Variants in CFAP157 observed in about 807,000 individuals in gnomAD.
The protein encoded by CFAP157 is cilia and flagella associated protein 157, also known as cilia- and flagella-associated protein 157.
In CFAP157, 43 loss-of-function variants were observed where a neutral mutation model predicts 57.8. The observed-to-expected ratio is 0.74, with a 90% CI of 0.58 to 0.96. The LOEUF (loss-of-function observed/expected upper bound fraction) is 0.96, where lower values mean the gene tolerates loss of function less well. CFAP157 is among the 40% of genes least tolerant of loss of function. CFAP157 has a pLI of 0.00. For missense variants in CFAP157, 606 were observed against 655.3 expected, an observed-to-expected ratio of 0.92 and a Z score of 0.82; for synonymous variants, 267 against 269.0, an observed-to-expected ratio of 0.99 and a Z score of 0.07.
intron 8 of CFAP157, chr9:127,713,408 T>C (rs977486156): frequency 1.0e-4 from 49 of 485,828 alleles, no homozygotes; most frequent in African/African-American, 8.3e-4. Context: ...GGGAGGGGGG[T>C]TGGCTGGACC....
rs1588408271 is a variant in CFAP157 at position 127,715,873 on chromosome 9, C to T, written c.*1968C>T. Reference sequence around the variant, plus strand: ...GGACTTGTGTGGGACGCTCGGAGCTCTTGCTTGACCTTCGGTTGGGAGGCC... The same window carrying T: ...GGACTTGTGTGGGACGCTCGGAGCTTTTGCTTGACCTTCGGTTGGGAGGCC... On this transcript the variant is annotated 3_prime_UTR_variant, in exon 9 of 9. Transcript: ENST00000373295. This position sits in a 1 kb window ranked among gnomAD's most constrained non-coding sequence, Gnocchi z 5.8. The T allele has an allele frequency of 5.8e-6, 5 of 858,504 alleles. No individual in the cohort carries two copies. Among genetic ancestry groups the T allele is most frequent in the African/African-American group, 1.7e-5 (1 of 58,380 alleles). 53.2% of individuals were successfully genotyped at this position (858,504 alleles called of 1,614,324 possible). A position where few individuals can be genotyped will look rare whatever the true frequency, so the allele number is the denominator to read the frequency against.
rs371740113 is a variant in CFAP157 at position 127,713,146 on chromosome 9, C to T, written c.1431C>T (p.Asp477=). 140 of 1,608,446 alleles carry T rather than the reference C, an allele frequency of 8.7e-5. No homozygotes were observed. The African/African-American group carries it at 1.6e-3, about 18-fold the overall frequency. Residue 477 remains aspartate, a synonymous_variant, in exon 8 of 9, where the codon GAC becomes GAT. Transcript: ENST00000373295. ...TCCACATCCCACCCAACCCCCAGGA[C>T]CTCAGGCTGCTGTCATATATCACCC... The part of the protein sequence containing the change: ...RQVHIPPNPQ[D]LRLLSYITRV...
chr9:127,707,941 G>A (rs1655416489), intron 1 of CFAP157, among the ~76,000 whole-genome samples: 1 of 152,100 alleles, frequency 6.6e-6, no homozygotes, highest in South Asian at 2.1e-4. Context: ...GCAGGCCATG[G>A]GCTGGTGCTC....
At position 127,709,487 on chromosome 9, in the gene CFAP157, T is replaced by C. The variant is rs1842714812; in HGVS notation, c.227T>C (p.Leu76Pro). The C allele has an allele frequency of 1.2e-6, 2 of 1,614,058 alleles. No individual in the cohort carries two copies. Among genetic ancestry groups the C allele is most frequent in the Non-Finnish European group, 1.7e-6 (2 of 1,180,012 alleles). The change falls in exon 2 of 9, where the codon CTG becomes CCG. Residue 76 changes from leucine (L) to proline (P), a missense_variant. Transcript: ENST00000373295. The surrounding 1 kb of genome is among the most constrained non-coding windows in gnomAD (Gnocchi z 4.7). ...EKMFRQEFEQ[L>P]ANNKKEIVAF... is the part of the protein sequence containing the mutation. ...ATGTTCCGCCAGGAGTTTGAGCAGC[T>C]GGCCAATAACAAGAAGGAGATTGTG...
In CFAP157 at chr9:127,712,058, G is replaced by T. The variant is rs2131591277; in HGVS notation, c.986+108G>T. On this transcript the variant is annotated intron_variant, in intron 5 of 8. Coordinates refer to ENST00000373295, the MANE Select transcript of CFAP157 (RefSeq NM_001012502.3). ...AGGCCAGTGACTTCCCCTCTCTAGA[G>T]GAGCCTGCCAGACAGGCTGAGGCTT... is the stretch of plus-strand genomic sequence containing the variant. 3 of 1,502,904 alleles carry T rather than the reference G, an allele frequency of 2.0e-6. No individual in the cohort carries two copies. The South Asian group carries it at 3.9e-5, about 19-fold the overall frequency. The allele number at this position is 1,502,904 out of a possible 1,614,324, so 93.1% of individuals were successfully genotyped here.
In CFAP157 at chr9:127,712,314, G is replaced by T. The variant is rs1328208438; in HGVS notation, c.1102G>T (p.Val368Phe). Residue 368 changes from valine (V) to phenylalanine (F), a missense_variant, in exon 6 of 9, where the codon GTC (valine) becomes TTC (phenylalanine). Transcript: ENST00000373295. ...KVRASLEAAL[V>F]QATSFLQNIL... ...TCGGGCCAGCCTGGAGGCGGCTCTGGTCCAGGCCACCTCCTTCCTACAGAA... is the reference window on the plus strand; with the variant it reads ...TCGGGCCAGCCTGGAGGCGGCTCTGTTCCAGGCCACCTCCTTCCTACAGAA... The T allele has an allele frequency of 6.2e-7, 1 of 1,614,022 alleles. No homozygotes were observed. Among genetic ancestry groups the T allele is most frequent in the East Asian group, 2.2e-5 (1 of 44,882 alleles).
rs1807543395 is a variant in CFAP157, at chr9:127,711,140, CCT to C, written c.588-88_588-87del. On this transcript the variant is annotated intron_variant, in intron 3 of 8. Coordinates refer to ENST00000373295, the MANE Select transcript of CFAP157 (RefSeq NM_001012502.3). Reference sequence around the variant, plus strand: ...AGAGAGCATGCTGGTGTTTAACAGCCCTAGGTGCTCTGGGAACCTCACAAAGG... The same window carrying C: ...AGAGAGCATGCTGGTGTTTAACAGCCAGGTGCTCTGGGAACCTCACAAAGG... 6 of 1,503,286 alleles carry C rather than the reference CCT, an allele frequency of 4.0e-6. No homozygotes were observed. The South Asian group carries it at 7.9e-5, about 20-fold the overall frequency. 93.1% of individuals were successfully genotyped at this position (1,503,286 alleles called of 1,614,324 possible). A position where few individuals can be genotyped will look rare whatever the true frequency, so the allele number is the denominator to read the frequency against.
In CFAP157 at chr9:127,709,607, A is replaced by T; in HGVS notation, c.347A>T (p.Lys116Met). ...TTGCAGCTAGCCAAAGAGATGGAGA[A>T]GGATGCCTTCGAGGCGCAGCTGGCC... ...QNLQLAKEME[K>M]DAFEAQLAQV... The change falls in exon 2 of 9, where the codon AAG becomes ATG. Residue 116 changes from lysine to methionine, a missense_variant. By Grantham distance (95) the Lys-to-Met change is moderately conservative. Transcript: ENST00000373295. The surrounding 1 kb of genome is among the most constrained non-coding windows in gnomAD (Gnocchi z 4.7). 6.2e-7 allele frequency: 1 copy of T among 1,613,998 alleles called. No homozygotes were observed. Among genetic ancestry groups the T allele is most frequent in the Non-Finnish European group, 8.5e-7 (1 of 1,180,020 alleles).
rs758004584 is a variant in CFAP157 at position 127,714,134 on chromosome 9, C to T, written c.*229C>T. 2.4e-5 allele frequency: 38 copies of T among 1,613,504 alleles called. No homozygotes were observed. The East Asian group carries it at 2.7e-4, about 11-fold the overall frequency. On this transcript the variant is annotated 3_prime_UTR_variant, in exon 9 of 9. Transcript: ENST00000373295. ...CAGTGAGGGCCCCTGGCTTCGCTCA[C>T]GGATGTGGTCCAAGATCAGGTCGGT...
chr9:127,712,898 C>T (rs1371663668), intron 7 of CFAP157, 23 bp downstream of exon 7: 1 of 1,599,900 alleles, frequency 6.3e-7, no homozygotes, highest in Non-Finnish European at 8.5e-7. Context: ...CCCTGTGTGG[C>T]CTCAGAGGCA....
Position 127,714,010 on chromosome 9 carries a change from A to AAAGT in CFAP157, c.*107_*110dup. On this transcript the variant is annotated 3_prime_UTR_variant, in exon 9 of 9. Transcript: ENST00000373295. ...AACAGTCTAGAGGAGATTTGTATAA[A>AAAGT]AAGTAGATACCAAGGCTGGCGTGGC... The AAAGT allele has an allele frequency of 1.9e-6, 3 of 1,583,886 alleles. No individual in the cohort carries two copies. Among genetic ancestry groups the AAAGT allele is most frequent in the Non-Finnish European group, 2.6e-6 (3 of 1,154,516 alleles).
At position 127,710,671 on chromosome 9, in the gene CFAP157, G is replaced by A; in HGVS notation, c.504G>A (p.Leu168=). The A allele has an allele frequency of 6.3e-7, 1 of 1,583,350 alleles. No individual in the cohort carries two copies. Among genetic ancestry groups the A allele is most frequent in the Non-Finnish European group, 8.6e-7 (1 of 1,164,288 alleles). ...KEEVTDKFTL[L]EEQVRKQENE... The stretch of plus-strand genomic sequence containing the variant: ...AGGTCACGGACAAGTTCACATTGCT[G>A]GAGGAGCAGGTGCGGAAGCAGGAGA... The change falls in exon 3 of 9, where the codon CTG becomes CTA. Residue 168 remains leucine, a synonymous_variant. Transcript: ENST00000373295.
At position 127,715,512 on chromosome 9, in the gene CFAP157, G is replaced by A. The variant is rs755609594; in HGVS notation, c.*1607G>A. ...TGGCCGAACTGAAGCTAGGGACCGG[G>A]AGCCCCTACGTCGCCGCCCCACGCC... On this transcript the variant is annotated 3_prime_UTR_variant, in exon 9 of 9. Transcript: ENST00000373295. The surrounding 1 kb of genome is among the most constrained non-coding windows in gnomAD (Gnocchi z 5.8). The A allele has an allele frequency of 3.7e-6, 6 of 1,612,888 alleles. No homozygotes were observed. Among genetic ancestry groups the A allele is most frequent in the South Asian group, 1.1e-5 (1 of 91,064 alleles).
chr9:127,710,498 C>A, intron 2 of CFAP157, 103 bp from the exon 3 acceptor site: 1 of 1,377,768 alleles, frequency 7.3e-7, no homozygotes, highest in Non-Finnish European at 9.8e-7. Context: ...CCACACAGGG[C>A]GCACAGGAAG....
At position 127,711,442 on chromosome 9, in the gene CFAP157, G is replaced by C; in HGVS notation, c.801G>C (p.Glu267Asp). The C allele has an allele frequency of 6.2e-7, 1 of 1,614,074 alleles. No homozygotes were observed. Among genetic ancestry groups the C allele is most frequent in the Non-Finnish European group, 8.5e-7 (1 of 1,180,038 alleles). ...GRQNNLCKQLELLENTQKVMA... is the reference protein window; with the variant it reads ...GRQNNLCKQLDLLENTQKVMA... ...AGAACAATCTGTGCAAACAGCTGGA[G>C]CTGCTGGAGAACACCCAGAAGGTCA... The change falls in exon 4 of 9, where the codon GAG (glutamate) becomes GAC (aspartate). Residue 267 changes from glutamate (E) to aspartate (D), a missense_variant. Glu to Asp is a conservative substitution (Grantham distance 45, BLOSUM62 2). Transcript: ENST00000373295.
chr9:127,710,226 T>C (rs908520010), intron 2 of CFAP157, among the ~76,000 whole-genome samples: 2 of 144,066 alleles, frequency 1.4e-5, no homozygotes, highest in Non-Finnish European at 3.0e-5. Context: ...GAGACTGCAG[T>C]GAGCTGTGAC....
rs1241502287 is a variant in CFAP157, at chr9:127,712,244, G to C, written c.1032G>C (p.Val344=). The C allele has an allele frequency of 1.2e-6, 2 of 1,613,938 alleles. No homozygotes were observed. Among genetic ancestry groups the C allele is most frequent in the East Asian group, 4.5e-5 (2 of 44,892 alleles). ...GCCTGCAGCTGGAGCAGCAGCAGGTGGATTTGCAGCGGCTACAGCAGGAAC... is the reference window on the plus strand; with the variant it reads ...GCCTGCAGCTGGAGCAGCAGCAGGTCGATTTGCAGCGGCTACAGCAGGAAC... The part of the protein sequence containing the change: ...QLSLQLEQQQ[V]DLQRLQQELA... The change falls in exon 6 of 9, where the codon GTG becomes GTC. Residue 344 remains valine (V), a synonymous_variant. Transcript: ENST00000373295.
Position 127,715,646 on chromosome 9 carries a change from C to A in CFAP157, c.*1741C>A, listed in dbSNP as rs1167827849. ...AAAAGCCGCCCGGCCTCATGCTGCCCCCATTCACTCCGACACCGCCCCCTG... is the reference window on the plus strand; with the variant it reads ...AAAAGCCGCCCGGCCTCATGCTGCCACCATTCACTCCGACACCGCCCCCTG... On this transcript the variant is annotated 3_prime_UTR_variant, in exon 9 of 9. Transcript: ENST00000373295. This position sits in a 1 kb window ranked among gnomAD's most constrained non-coding sequence, Gnocchi z 5.8. The A allele has an allele frequency of 6.2e-7, 1 of 1,610,522 alleles. No homozygotes were observed. The highest frequency in any genetic ancestry group is 1.1e-5 in the South Asian group (1 of 90,920).
chr9:127,712,465 C>T, intron 6 of CFAP157, 116 bp downstream of exon 6: 1 of 1,477,404 alleles, frequency 6.8e-7, no homozygotes, highest in Non-Finnish European at 9.1e-7. Flanking sequence ...CCCTGAGAGA[C>T]TCCTGGAAAG....
Sources: gnomAD v4.1 joint callset for allele counts (sites outside exome capture counted in the v4.1 genomes callset) on GRCh38, gnomAD v4.1.1 for gene constraint, Gnocchi (gnomAD v3.1) non-coding constraint, MANE v1.5 for transcripts, NCBI Gene and HGNC (gene_info 2026-07-23, HGNC 2026-07-21) for gene names.